The following ARHGEF28 variants were observed in gnomAD, a reference collection of about 807,000 sequenced individuals.
ARHGEF28 encodes the protein 190 kDa guanine nucleotide exchange factor.
A neutral mutation model predicts 206.6 loss-of-function variants in ARHGEF28; 152 were observed. The ratio of observed to expected loss-of-function variants is 0.74; its 90% confidence interval spans 0.64 to 0.84. The LOEUF is 0.84. Among genes scored for constraint, ARHGEF28 ranks in the 40% least tolerant of loss-of-function variants. ARHGEF28 has a pLI of 0.00. For synonymous variants in ARHGEF28, 763 were observed against 776.4 expected, an observed-to-expected ratio of 0.98 and a Z score of 0.29; for missense variants, 2,028 against 2,073.2, an observed-to-expected ratio of 0.98 and a Z score of 0.42.
At chr5:73,691,856 A>G (rs1214876902) in intron 2 of ARHGEF28, among the ~76,000 whole-genome samples, 2 of 152,244 alleles carry the variant, frequency 1.3e-5, no homozygotes, top group South Asian at 2.1e-4. Flanking sequence ...ATCATGAACA[A>G]TTATTCACCA....
Position 73,714,568 on chromosome 5 carries a change from C to T in ARHGEF28, c.33+29684C>T, listed in dbSNP as rs533577161. Among the ~76,000 whole-genome samples, 14 of 152,250 alleles carry T rather than the reference C, an allele frequency of 9.2e-5. No individual in the cohort carries two copies. In the East Asian group the frequency reaches 2.5e-3, roughly 27 times the overall value. ...CTGAGGACATCCTGTGTTTGCTTTA[C>T]CACCAATACTATGGTATCTACATCA... On this transcript the variant is annotated intron_variant, in intron 2 of 35. Transcript: ENST00000513042.
intron 2 of ARHGEF28, among the ~76,000 whole-genome samples, chr5:73,701,498 A>C (rs1748597375): frequency 6.6e-6 from 1 of 152,138 alleles, no homozygotes; most frequent in African/African-American, 2.4e-5. Flanking sequence ...CTTTAGTTAA[A>C]AATGGGGGTG....
chr5:73,780,423 G>T, intron 6 of ARHGEF28: 1 of 464,874 alleles, frequency 2.2e-6, no homozygotes, highest in African/African-American at 2.0e-5. Flanking sequence ...CCTTCTGCTT[G>T]GTGTGACCTG....
At chr5:73,813,255 C>G (rs1755951787) in intron 9 of ARHGEF28, among the ~76,000 whole-genome samples, 2 of 152,084 alleles carry the variant, frequency 1.3e-5, no homozygotes, top group Non-Finnish European at 1.5e-5. Context: ...TTCCAGCAAC[C>G]AGAAGAGGGG....
chr5:73,885,890 CTTAA>C lies in ARHGEF28; in HGVS notation c.3101_3104del (p.Ile1034LysfsTer3). ...ATAAAGACTTACGCAAAGCGCTTTG[CTTAA>C]TTAAAGACATGATTGCAACAGTGGA... is the stretch of plus-strand genomic sequence containing the variant. On this transcript the variant is annotated frameshift_variant, in exon 25 of 36. Coordinates refer to ENST00000513042, the MANE Select transcript of ARHGEF28 (RefSeq NM_001177693.2). LOFTEE classifies it high-confidence loss of function. 6.2e-7 allele frequency: 1 copy of C among 1,613,244 alleles called. No individual in the cohort carries two copies. The highest frequency in any genetic ancestry group is 8.5e-7 in the Non-Finnish European group (1 of 1,179,728).
At chr5:73,717,501 C>A (rs1277664390) in intron 2 of ARHGEF28, among the ~76,000 whole-genome samples, 1 of 152,044 alleles carries the variant, frequency 6.6e-6, no homozygotes, top group African/African-American at 2.4e-5. Flanking sequence ...ATAATATTTG[C>A]GAAAACTGTA....
intron 1 of ARHGEF28, among the ~76,000 whole-genome samples, chr5:73,626,731 A>G (rs902758570): frequency 6.6e-6 from 1 of 152,132 alleles, no homozygotes; most frequent in Non-Finnish European, 1.5e-5. Flanking sequence ...CAGCTCCGGG[A>G]CTGAGGGTGC....
chr5:73,868,140 C>A lies in ARHGEF28; in HGVS notation c.2338C>A (p.His780Asn), dbSNP rs2973558. 500,739 of 1,607,836 alleles carry A rather than the reference C, an allele frequency of 0.31. 80,555 individuals are homozygous for A. Among genetic ancestry groups the A allele is most frequent in the Admixed American group, 0.43 (25,489 of 58,976 alleles). The part of the protein sequence containing the change: ...SATSLESESD[H>N]NSCRSRSHSD... ...CACATCCTTGGAGTCTGAGAGTGAC[C>A]ATAACAGCTGCAGAAGCAGGTCTCA... The change falls in exon 20 of 36, where the codon CAT (histidine) becomes AAT (asparagine). Residue 780 changes from histidine (H) to asparagine (N), a missense_variant. Physicochemically the swap from His to Asn is moderately conservative, Grantham distance 68. This residue lies in a region of ARHGEF28 where 1,002 missense variants were observed against 1,015.3 expected (regional missense o/e 0.99). Coordinates refer to ENST00000513042, the MANE Select transcript of ARHGEF28 (RefSeq NM_001177693.2).
chr5:73,675,732 CAA>C (rs35836692), intron 1 of ARHGEF28, among the ~76,000 whole-genome samples: 7 of 49,656 alleles, frequency 1.4e-4, no homozygotes, highest in South Asian at 6.9e-4. Flanking sequence ...GACTCTGTCT[CAA>C]AAAAAAAAAA....
At chr5:73,872,797 A>G (rs1316225699) in intron 21 of ARHGEF28, among the ~76,000 whole-genome samples, 1 of 152,202 alleles carries the variant, frequency 6.6e-6, no homozygotes, top group African/African-American at 2.4e-5. Context: ...GTCCTCTTTA[A>G]TATCTGGATA....
intron 4 of ARHGEF28, among the ~76,000 whole-genome samples, chr5:73,764,190 T>C (rs1752769938): frequency 6.6e-6 from 1 of 152,194 alleles, no homozygotes; most frequent in Admixed American, 6.5e-5. Flanking sequence ...GGCTTTCCAT[T>C]TCATTCTAGC....
intron 4 of ARHGEF28, among the ~76,000 whole-genome samples, chr5:73,763,961 A>T: frequency 6.6e-6 from 1 of 152,140 alleles, no homozygotes; most frequent in East Asian, 1.9e-4. Flanking sequence ...GACATACCAC[A>T]TATCTATTTA....
chr5:73,848,169 AC>A (rs1263360710), intron 12 of ARHGEF28, among the ~76,000 whole-genome samples: 2 of 152,218 alleles, frequency 1.3e-5, no homozygotes, highest in African/African-American at 4.8e-5. Flanking sequence ...GAAGTTGGGT[AC>A]TATAAATGGC....
intron 9 of ARHGEF28, among the ~76,000 whole-genome samples, chr5:73,828,791 T>G (rs903538667): frequency 4.0e-5 from 6 of 151,830 alleles, no homozygotes; most frequent in African/African-American, 1.5e-4. Flanking sequence ...TTCCTTTCCT[T>G]TCTTCCTTCC....
chr5:73,826,743 T>G (rs144843306), intron 9 of ARHGEF28, among the ~76,000 whole-genome samples: 7 of 152,298 alleles, frequency 4.6e-5, no homozygotes, highest in African/African-American at 1.7e-4. Flanking sequence ...CCTTACTAGT[T>G]CCAATTCCCC....
At chr5:73,663,509 T>C (rs1395773336) in intron 1 of ARHGEF28, among the ~76,000 whole-genome samples, 1 of 152,228 alleles carries the variant, frequency 6.6e-6, no homozygotes, top group African/African-American at 2.4e-5. Context: ...AACTAGCAGC[T>C]TTCTGGTTTA....
chr5:73,745,589 G>A (rs28470654), intron 2 of ARHGEF28, among the ~76,000 whole-genome samples: 35,008 of 151,922 alleles, frequency 0.23, 4,655 homozygotes, highest in Non-Finnish European at 0.3. Flanking sequence ...TTCTTTGTGT[G>A]TATTTATATT....
At chr5:73,798,128 G>A (rs541823909) in intron 9 of ARHGEF28, among the ~76,000 whole-genome samples, 13 of 151,882 alleles carry the variant, frequency 8.6e-5, no homozygotes, top group Non-Finnish European at 1.6e-4. Flanking sequence ...ATATTTTTAG[G>A]GTACGTGAGA....
intron 2 of ARHGEF28, among the ~76,000 whole-genome samples, chr5:73,688,828 G>A (rs1487285244): frequency 1.3e-5 from 2 of 152,078 alleles, no homozygotes; most frequent in Non-Finnish European, 2.9e-5. Context: ...TAATTTTTTT[G>A]TATTTTTAGT....
Sources: gnomAD v4.1 joint callset for allele counts (sites outside exome capture counted in the v4.1 genomes callset) on GRCh38, gnomAD v4.1.1 for gene constraint, gnomAD v4.1.1 regional missense constraint, MANE v1.5 for transcripts, NCBI Gene and HGNC (gene_info 2026-07-23, HGNC 2026-07-21) for gene names.